The following COL25A1 variants were observed in gnomAD, a reference collection of about 807,000 sequenced individuals.
The protein encoded by COL25A1 is collagen type XXV alpha 1 chain.
Under a neutral mutation model 128.4 loss-of-function variants are expected in COL25A1, and 103 were observed. That is an observed-to-expected ratio of 0.80 (90% CI 0.68 to 0.94). The LOEUF is 0.94. Ranked by LOEUF, COL25A1 falls within the 40% of genes least tolerant of loss-of-function variation. COL25A1 has a pLI of 0.00. For missense variants in COL25A1, 745 were observed against 840.0 expected (o/e 0.89, Z 1.40); for synonymous variants, 279 against 277.2 (o/e 1.01, Z -0.06).
At chr4:108,987,995 A>G (rs1181076549) in intron 6 of COL25A1, among the ~76,000 whole-genome samples, 1 of 152,164 alleles carries the variant, frequency 6.6e-6, no homozygotes, top group African/African-American at 2.4e-5. Flanking sequence ...TTTCTTAATA[A>G]CATACCAGGG....
intron 3 of COL25A1, among the ~76,000 whole-genome samples, chr4:109,233,241 T>C (rs575614947): frequency 6.6e-6 from 1 of 152,286 alleles, no homozygotes; most frequent in African/African-American, 2.4e-5. Context: ...AAAACATAAT[T>C]ACTTTTATAA....
intron 5 of COL25A1, among the ~76,000 whole-genome samples, chr4:109,027,821 G>A (rs1217119802): frequency 1.3e-5 from 2 of 152,134 alleles, no homozygotes; most frequent in African/African-American, 4.8e-5. Context: ...CTTTAGTGAT[G>A]TGTGGAAGAT....
At chr4:108,873,722 A>G (rs948049217) in intron 19 of COL25A1, among the ~76,000 whole-genome samples, 2 of 152,154 alleles carry the variant, frequency 1.3e-5, no homozygotes, top group East Asian at 1.9e-4. Context: ...AAATTTTCTC[A>G]GTTGAATATG....
At chr4:108,886,098 ATGTG>A (rs2081434756) in intron 18 of COL25A1, among the ~76,000 whole-genome samples, 1 of 152,192 alleles carries the variant, frequency 6.6e-6, no homozygotes, top group Non-Finnish European at 1.5e-5. Context: ...TGTACTATGT[ATGTG>A]TGTTAAGTAA....
At chr4:108,970,573 A>G (rs1030797157) in intron 8 of COL25A1, among the ~76,000 whole-genome samples, 9 of 152,196 alleles carry the variant, frequency 5.9e-5, no homozygotes, top group African/African-American at 1.9e-4. Flanking sequence ...GTGAGAACAC[A>G]ATGTACTCTC....
At chr4:108,853,639 T>C (rs1469008538) in intron 24 of COL25A1, among the ~76,000 whole-genome samples, 4 of 152,066 alleles carry the variant, frequency 2.6e-5, no homozygotes, top group African/African-American at 9.7e-5. Context: ...CTACATTAGG[T>C]ATTTCTCCAA....
intron 3 of COL25A1, among the ~76,000 whole-genome samples, chr4:109,199,985 G>A (rs1311434140): frequency 6.6e-6 from 1 of 152,156 alleles, no homozygotes; most frequent in Admixed American, 6.5e-5. Context: ...TGAGATTTCA[G>A]GACTGTGGGT....
At chr4:108,913,182 T>A (rs1165564930) in intron 13 of COL25A1, among the ~76,000 whole-genome samples, 1 of 150,392 alleles carries the variant, frequency 6.6e-6, no homozygotes, top group Admixed American at 6.7e-5. Context: ...TCAACATTAT[T>A]TTTATAGTAA....
chr4:109,188,029 T>G (rs1173031220), intron 3 of COL25A1, among the ~76,000 whole-genome samples: 2 of 152,004 alleles, frequency 1.3e-5, no homozygotes, highest in Admixed American at 6.6e-5. Context: ...GGGAAACCCG[T>G]GACAAGAACA....
At chr4:109,137,984 A>ATGTGTG (rs10700157) in intron 3 of COL25A1, among the ~76,000 whole-genome samples, 1,951 of 142,568 alleles carry the variant, frequency 0.014, 42 homozygotes, top group African/African-American at 0.047. Flanking sequence ...TTATATATAT[A>ATGTGTG]TGTGTGTGTG....
Position 109,052,162 on chromosome 4 carries a change from T to C in COL25A1, c.368-1983A>G, listed in dbSNP as rs542674151. ...ATAAAAACAATAGATTGCACAAATGTTTAAGAAATAACTTGAATAAATTTT... is the reference window on the plus strand; with the variant it reads ...ATAAAAACAATAGATTGCACAAATGCTTAAGAAATAACTTGAATAAATTTT... On this transcript the variant is annotated intron_variant, in intron 3 of 37. Coordinates refer to ENST00000399132, the MANE Select transcript of COL25A1 (RefSeq NM_198721.4). Among the ~76,000 whole-genome samples, 3 of 152,272 alleles carry C rather than the reference T, an allele frequency of 2.0e-5. No homozygotes were observed. In the East Asian group the frequency reaches 5.8e-4, roughly 29 times the overall value.
chr4:108,969,907 A>T (rs1216297258), intron 8 of COL25A1, among the ~76,000 whole-genome samples: 10 of 146,464 alleles, frequency 6.8e-5, no homozygotes, highest in Non-Finnish European at 1.4e-4. Context: ...TATATATATA[A>T]AATAATTGTT....
intron 3 of COL25A1, among the ~76,000 whole-genome samples, chr4:109,147,340 G>T (rs1771038770): frequency 6.6e-6 from 1 of 152,170 alleles, no homozygotes. Flanking sequence ...TAAAAAAGGA[G>T]GCTTCACTTT....
rs540088801 is a variant in COL25A1 at position 108,915,353 on chromosome 4, T to C, written c.780+2819A>G. On this transcript the variant is annotated intron_variant, in intron 13 of 37. Transcript: ENST00000399132. ...AAGCATTTTTGTCTTCTTTTTCTCT[T>C]TCTCTCTCTCTCCCTTTCTTTTTTA... Among the ~76,000 whole-genome samples the C allele has an allele frequency of 3.3e-5, 5 of 152,160 alleles. No homozygotes were observed. The South Asian group carries it at 8.3e-4, about 25-fold the overall frequency.
chr4:109,293,739 T>C (rs1724695195), intron 3 of COL25A1, among the ~76,000 whole-genome samples: 1 of 152,070 alleles, frequency 6.6e-6, no homozygotes, highest in African/African-American at 2.4e-5. Flanking sequence ...GCAACAAGAC[T>C]AAATAACACA....
At chr4:108,817,299 T>A (rs1731333316) in intron 37 of COL25A1, 98 bp downstream of exon 37, 1 of 1,102,792 alleles carries the variant, frequency 9.1e-7, no homozygotes, top group Admixed American at 1.9e-5. Context: ...AATCTTTTGC[T>A]TTTTAATATC....
Position 108,883,091 on chromosome 4 carries a change from G to A in COL25A1, c.1020+1087C>T, listed in dbSNP as rs1740318859. ...GAATAGCACTCTGTTGCCCAGCCTG[G>A]AGTATAGTGGCGTGATCTCGGCTCA... On this transcript the variant is annotated intron_variant, in intron 19 of 37. Coordinates refer to ENST00000399132, the MANE Select transcript of COL25A1 (RefSeq NM_198721.4). Among the ~76,000 whole-genome samples the A allele has an allele frequency of 2.6e-5, 4 of 152,162 alleles. No individual in the cohort carries two copies. The South Asian group carries it at 8.3e-4, about 32-fold the overall frequency.
chr4:109,050,588 T>G (rs1760893010), intron 3 of COL25A1, among the ~76,000 whole-genome samples: 1 of 152,202 alleles, frequency 6.6e-6, no homozygotes, highest in African/African-American at 2.4e-5. Flanking sequence ...ATTTACAGTT[T>G]CTTTTCAGTC....
chr4:108,942,344 C>A, intron 8 of COL25A1: 1 of 1,308,310 alleles, frequency 7.6e-7, no homozygotes, highest in East Asian at 2.5e-5. Flanking sequence ...ACAAACAAAA[C>A]AAGCACATAC....
Sources: gnomAD v4.1 joint callset for allele counts (sites outside exome capture counted in the v4.1 genomes callset) on GRCh38, gnomAD v4.1.1 for gene constraint, MANE v1.5 for transcripts, NCBI Gene and HGNC (gene_info 2026-07-23, HGNC 2026-07-21) for gene names.